Variants in LNPK observed in about 807,000 individuals in gnomAD.
LNPK encodes endoplasmic reticulum junction formation protein lunapark.
A neutral mutation model predicts 55.2 loss-of-function variants in LNPK; 29 were observed. The ratio of observed to expected loss-of-function variants is 0.53; its 90% CI spans 0.39 to 0.72. LNPK has a LOEUF of 0.72. Ranked by LOEUF, LNPK falls within the 30% of genes least tolerant of loss-of-function variation. The pLI, the probability that LNPK is intolerant of heterozygous loss-of-function variation, is 0.00. For synonymous variants in LNPK, 162 were observed against 168.2 expected (o/e 0.96, Z 0.29); for missense variants, 467 against 494.8 (o/e 0.94, Z 0.53).
intron 12 of LNPK, among the ~76,000 whole-genome samples, chr2:175,930,931 T>G (rs1430011742): frequency 3.3e-5 from 5 of 152,188 alleles, no homozygotes. Flanking sequence ...CATGAAAATT[T>G]ACTCCTTTTA....
chr2:175,992,282 T>C lies in LNPK; in HGVS notation c.206A>G (p.Glu69Gly). The C allele has an allele frequency of 2.5e-6, 4 of 1,568,840 alleles. No homozygotes were observed. The highest frequency in any genetic ancestry group is 3.4e-6 in the Non-Finnish European group (4 of 1,165,412). The change falls in exon 4 of 13, where the codon GAA (glutamate) becomes GGA (glycine). Residue 69 changes from glutamate (E) to glycine (G), a missense_variant. Coordinates refer to ENST00000272748, the MANE Select transcript of LNPK (RefSeq NM_030650.3). Reference protein sequence around the residue: ...LIVYLWYLPDEFTARLAMTLP... With the variant: ...LIVYLWYLPDGFTARLAMTLP... ...TGTCATGGCAAGTCTTGCTGTAAAT[T>C]CATCAGGAAGATACCACAAATATAC...
intron 11 of LNPK, 143 bp downstream of exon 11, chr2:175,938,170 T>A (rs1040685865): frequency 4.2e-5 from 23 of 548,178 alleles, no homozygotes; most frequent in Non-Finnish European, 7.2e-5. Context: ...CCTGCTTTGC[T>A]CTATGTACTA....
At chr2:175,979,613 T>C (rs1687077315) in intron 5 of LNPK, among the ~76,000 whole-genome samples, 197 bp downstream of exon 5, 1 of 151,454 alleles carries the variant, frequency 6.6e-6, no homozygotes, top group South Asian at 2.1e-4. Context: ...AAAATCTAAA[T>C]GAACAAGATG....
At chr2:175,993,621 C>A (rs1414604125) in intron 2 of LNPK, among the ~76,000 whole-genome samples, 3 of 152,026 alleles carry the variant, frequency 2.0e-5, no homozygotes, top group Non-Finnish European at 4.4e-5. Flanking sequence ...GCTTCGCCAA[C>A]TGGTCTACTA....
Position 175,939,578 on chromosome 2 carries a change from A to G in LNPK, c.786T>C (p.Tyr262=). ...ERGALDRIVE[Y]LVGDGPQNRY... is the part of the protein sequence containing the mutation. ...TGTTTTGTGGACCATCACCAACCAA[A>G]TATTCAACAATTCTATCCAAAGCAC... The change falls in exon 10 of 13, where the codon TAT becomes TAC. Residue 262 remains tyrosine, a synonymous_variant. Coordinates refer to ENST00000272748, the MANE Select transcript of LNPK (RefSeq NM_030650.3). The G allele has an allele frequency of 6.3e-7, 1 of 1,599,558 alleles. No individual in the cohort carries two copies. The highest frequency in any genetic ancestry group is 1.3e-5 in the African/African-American group (1 of 74,572).
At chr2:175,974,237 T>G (rs963061264) in intron 5 of LNPK, among the ~76,000 whole-genome samples, 3 of 152,236 alleles carry the variant, frequency 2.0e-5, no homozygotes, top group Admixed American at 2.0e-4. Context: ...CATTATGTAC[T>G]AAAAGTGCAA....
rs916718684 is a variant in LNPK, at chr2:175,925,604, C to T, written c.*4363G>A. On this transcript the variant is annotated 3_prime_UTR_variant, in exon 13 of 13. Coordinates refer to ENST00000272748, the MANE Select transcript of LNPK (RefSeq NM_030650.3). ...CTTATTAGTAAATTTGGACCTCATC[C>T]CAAGAACACTCAAGAGTCATTAAAG... The T allele has an allele frequency of 6.6e-6, 1 of 151,486 alleles. No homozygotes were observed. The highest frequency in any genetic ancestry group is 2.4e-5 in the African/African-American group (1 of 41,246). The allele number at this position is 151,486 out of a possible 1,614,324, so 9.4% of individuals were successfully genotyped here. A position where few individuals can be genotyped will look rare whatever the true frequency, so the allele number is the denominator to read the frequency against.
chr2:175,979,167 G>GA (rs1473236478), intron 5 of LNPK, among the ~76,000 whole-genome samples: 3 of 151,658 alleles, frequency 2.0e-5, no homozygotes, highest in African/African-American at 7.3e-5. Flanking sequence ...TATACGGGGT[G>GA]AAAAAAATGG....
At chr2:175,941,790 C>CAAAAAAAAAAAAAAAAAAAAAA (rs59162981) in intron 9 of LNPK, among the ~76,000 whole-genome samples, 2 of 51,920 alleles carry the variant, frequency 3.9e-5, no homozygotes, top group Non-Finnish European at 6.8e-5. Flanking sequence ...GATTCCATCT[C>CAAAAAAAAAAAAAAAAAAAAAA]AAAAAAAAAA....
At chr2:175,993,071 T>C in intron 3 of LNPK, 111 bp downstream of exon 3, 1 of 652,806 alleles carries the variant, frequency 1.5e-6, no homozygotes, top group Non-Finnish European at 2.6e-6. Context: ...ACTCACTCTA[T>C]ATCATTTCTA....
At chr2:175,963,739 A>G (rs1686189798) in intron 8 of LNPK, among the ~76,000 whole-genome samples, 2 of 151,870 alleles carry the variant, frequency 1.3e-5, no homozygotes, top group Admixed American at 6.6e-5. Flanking sequence ...AGAAAAGAAC[A>G]AAGACAAAAG....
chr2:175,987,971 A>G (rs539211845), intron 4 of LNPK, among the ~76,000 whole-genome samples: 1 of 152,348 alleles, frequency 6.6e-6, no homozygotes, highest in South Asian at 2.1e-4. Context: ...AAATGCTAAA[A>G]GTTGAAATAT....
chr2:175,974,781 C>CT (rs1686828967), intron 5 of LNPK, among the ~76,000 whole-genome samples: 1 of 152,068 alleles, frequency 6.6e-6, no homozygotes, highest in Admixed American at 6.5e-5. Context: ...TACTATGTGA[C>CT]TGCAAGACAA....
intron 8 of LNPK, among the ~76,000 whole-genome samples, chr2:175,949,630 T>A (rs975393055): frequency 5.3e-5 from 8 of 152,094 alleles, no homozygotes; most frequent in Non-Finnish European, 1.0e-4. Context: ...ATGCTTTTAC[T>A]ATCACTAGTA....
intron 8 of LNPK, among the ~76,000 whole-genome samples, chr2:175,954,664 C>T (rs569662776): frequency 7.6e-4 from 115 of 152,210 alleles, no homozygotes; most frequent in African/African-American, 2.6e-3. Flanking sequence ...TTTGATCTGG[C>T]CTAACTTCTA....
chr2:175,983,910 C>A (rs1687290342), intron 4 of LNPK, among the ~76,000 whole-genome samples: 1 of 143,900 alleles, frequency 6.9e-6, no homozygotes, highest in Non-Finnish European at 1.5e-5. Context: ...TTGATTAACT[C>A]AAAATGGATT....
At chr2:175,981,378 A>C (rs1687166998) in intron 4 of LNPK, among the ~76,000 whole-genome samples, 1 of 152,202 alleles carries the variant, frequency 6.6e-6, no homozygotes, top group African/African-American at 2.4e-5. Flanking sequence ...TCAGCAAAGA[A>C]CTGATGCCTG....
chr2:175,952,551 T>C (rs1685476029), intron 8 of LNPK, among the ~76,000 whole-genome samples: 1 of 152,028 alleles, frequency 6.6e-6, no homozygotes, highest in Admixed American at 6.6e-5. Flanking sequence ...TATCTTCTGT[T>C]CACATCCACT....
At chr2:175,987,579 C>T (rs944441654) in intron 4 of LNPK, among the ~76,000 whole-genome samples, 3 of 151,740 alleles carry the variant, frequency 2.0e-5, no homozygotes, top group Non-Finnish European at 4.4e-5. Context: ...TGTTAAATGA[C>T]GAGTTAATGG....
Sources: gnomAD v4.1 joint callset for allele counts (sites outside exome capture counted in the v4.1 genomes callset) on GRCh38, gnomAD v4.1.1 for gene constraint, MANE v1.5 for transcripts, NCBI Gene and HGNC (gene_info 2026-07-23, HGNC 2026-07-21) for gene names.